Variants in ZNRF3 observed in about 807,000 individuals in gnomAD.
ZNRF3 encodes zinc and ring finger 3, also known as E3 ubiquitin-protein ligase ZNRF3.
Under a neutral mutation model 72.5 loss-of-function variants are expected in ZNRF3, and 23 were observed. That is an observed-to-expected ratio of 0.32 (90% CI 0.23 to 0.45). The LOEUF (loss-of-function observed/expected upper bound fraction) is 0.45, where lower values mean the gene tolerates loss of function less well. ZNRF3 is among the 20% of genes least tolerant of loss of function. The probability of loss-of-function intolerance (pLI) is 1.00; values close to 1 mark genes in which losing one functional copy is unlikely to be tolerated. For synonymous variants in ZNRF3, 610 were observed against 545.3 expected (o/e 1.12, Z -1.65); for missense variants, 1,169 against 1,272.1 (o/e 0.92, Z 1.23).
At chr22:28,937,188 TATATATATATATATATATATATA>T (rs1244210454) in intron 1 of ZNRF3, among the ~76,000 whole-genome samples, 8 of 3,536 alleles carry the variant, frequency 2.3e-3, no homozygotes, top group African/African-American at 3.7e-3. Flanking sequence ...TATATATATA[TATATATATATATATATATATATA>T]TATATTTTTT....
chr22:28,920,342 C>T (rs1169664764), intron 1 of ZNRF3, among the ~76,000 whole-genome samples: 2 of 152,150 alleles, frequency 1.3e-5, no homozygotes, highest in Admixed American at 1.3e-4. Context: ...GCAATCTTGG[C>T]TCACTGCAAC....
At chr22:29,004,398 A>T (rs1477469798) in intron 2 of ZNRF3, among the ~76,000 whole-genome samples, 3 of 152,198 alleles carry the variant, frequency 2.0e-5, no homozygotes, top group Non-Finnish European at 4.4e-5. Flanking sequence ...CTGTCAGATA[A>T]CAAGAGCCAC....
chr22:28,955,042 T>TTG (rs1555973674), intron 1 of ZNRF3, among the ~76,000 whole-genome samples: 46 of 149,152 alleles, frequency 3.1e-4, no homozygotes, highest in African/African-American at 1.1e-3. Flanking sequence ...GTTTTTTTTT[T>TTG]TTTGTTTTTT....
intron 1 of ZNRF3, among the ~76,000 whole-genome samples, chr22:28,937,215 A>AT (rs370829828): frequency 4.1e-3 from 36 of 8,854 alleles, no homozygotes; most frequent in Admixed American, 0.015. Context: ...ATATATATAT[A>AT]TTTTTTTTTT....
chr22:28,938,054 T>C (rs1380948905), intron 1 of ZNRF3, among the ~76,000 whole-genome samples: 35 of 152,204 alleles, frequency 2.3e-4, no homozygotes, highest in Non-Finnish European at 1.5e-5. Context: ...TTACTGCTTT[T>C]ATTGAAAATA....
Position 29,030,958 on chromosome 22 carries a change from G to C in ZNRF3, c.427-11537G>C, listed in dbSNP as rs1425283627. On this transcript the variant is annotated intron_variant, in intron 2 of 8. Transcript: ENST00000544604. This position sits in a 1 kb window ranked among gnomAD's most constrained non-coding sequence, Gnocchi z 4.2. ...CCAAGCCCTGGAGCGAGGAGCCGGCGGGTGGAGCTGGCAGCACTGCGCCAC... is the reference window on the plus strand; with the variant it reads ...CCAAGCCCTGGAGCGAGGAGCCGGCCGGTGGAGCTGGCAGCACTGCGCCAC... 6.6e-6 allele frequency: 1 copy of C among 152,374 alleles called. No homozygotes were observed. Among genetic ancestry groups the C allele is most frequent in the African/African-American group, 2.4e-5 (1 of 41,438 alleles). 9.4% of individuals were successfully genotyped at this position (152,374 alleles called of 1,614,324 possible). A position where few individuals can be genotyped will look rare whatever the true frequency, so the allele number is the denominator to read the frequency against.
At chr22:29,024,494 G>A (rs9613777) in intron 2 of ZNRF3, among the ~76,000 whole-genome samples, 66,152 of 151,588 alleles carry the variant, frequency 0.44, 15,027 homozygotes, top group Non-Finnish European at 0.5. Context: ...TTGATATAAA[G>A]TGGAGACACA....
intron 1 of ZNRF3, among the ~76,000 whole-genome samples, chr22:28,919,851 G>T (rs367716411): frequency 1.2e-3 from 182 of 152,214 alleles, no homozygotes; most frequent in African/African-American, 4.1e-3. Flanking sequence ...CGATGAGGGG[G>T]TGAAATTTAA....
intron 1 of ZNRF3, among the ~76,000 whole-genome samples, chr22:28,955,802 C>G (rs1175944074): frequency 6.6e-6 from 1 of 151,308 alleles, no homozygotes; most frequent in Non-Finnish European, 1.5e-5. Context: ...GCCTGTGGTT[C>G]CAGCTACTTG....
intron 1 of ZNRF3, among the ~76,000 whole-genome samples, chr22:28,967,353 T>C (rs954499504): frequency 6.6e-6 from 1 of 152,160 alleles, no homozygotes; most frequent in Admixed American, 6.5e-5. Context: ...TGTAGTACGC[T>C]ATTGCATCCA....
chr22:29,034,999 CTT>C (rs10607848), intron 2 of ZNRF3, among the ~76,000 whole-genome samples: 3,134 of 131,118 alleles, frequency 0.024, 104 homozygotes, highest in African/African-American at 0.077. Flanking sequence ...TTTGTTAGAC[CTT>C]TTTTTTTTTT....
intron 2 of ZNRF3, among the ~76,000 whole-genome samples, chr22:29,028,091 C>T (rs943115941): frequency 3.9e-5 from 6 of 152,106 alleles, no homozygotes; most frequent in Non-Finnish European, 7.4e-5. Flanking sequence ...TAAAAGGAGT[C>T]AATATCATAG....
At chr22:29,015,352 T>G (rs1052329115) in intron 2 of ZNRF3, among the ~76,000 whole-genome samples, 3 of 152,214 alleles carry the variant, frequency 2.0e-5, no homozygotes, top group Non-Finnish European at 2.9e-5. Flanking sequence ...AAATCCAGTT[T>G]TGTTTTTTGG....
intron 2 of ZNRF3, chr22:29,031,472 G>A (rs1260893503): frequency 2.0e-6 from 1 of 500,120 alleles, no homozygotes; most frequent in African/African-American, 2.1e-5. Context: ...CCCTTGGTGA[G>A]GCAGGCCTTG....
rs180799948 is a variant in ZNRF3, at chr22:29,055,859, A to C, written c.*2237A>C. 5.3e-5 allele frequency: 8 copies of C among 152,090 alleles called. No individual in the cohort carries two copies. The East Asian group carries it at 1.5e-3, about 29-fold the overall frequency. 9.4% of individuals were successfully genotyped at this position (152,090 alleles called of 1,614,324 possible). On this transcript the variant is annotated 3_prime_UTR_variant, in exon 9 of 9. Coordinates refer to ENST00000544604, the MANE Select transcript of ZNRF3 (RefSeq NM_001206998.2). Reference sequence around the variant, plus strand: ...AGTGCATATTTTCTTCCTCGTCTGAAACCGAACTCCCAAAGTGGCTTTCTT... The same window carrying C: ...AGTGCATATTTTCTTCCTCGTCTGACACCGAACTCCCAAAGTGGCTTTCTT...
intron 1 of ZNRF3, among the ~76,000 whole-genome samples, chr22:28,961,781 C>T (rs376262916): frequency 2.0e-5 from 3 of 152,164 alleles, no homozygotes; most frequent in Non-Finnish European, 4.4e-5. Context: ...AGCTTCTCAC[C>T]GTTGCTATTT....
intron 2 of ZNRF3, among the ~76,000 whole-genome samples, chr22:29,001,431 A>G (rs991729107): frequency 1.5e-4 from 22 of 145,858 alleles, no homozygotes; most frequent in Non-Finnish European, 3.2e-4. Flanking sequence ...ATATCTTTTC[A>G]CTTTCTTGAT....
At chr22:29,012,828 C>A (rs1247102525) in intron 2 of ZNRF3, among the ~76,000 whole-genome samples, 1 of 152,170 alleles carries the variant, frequency 6.6e-6, no homozygotes, top group African/African-American at 2.4e-5. Context: ...CAGATAGAAT[C>A]ATCTTTAATA....
At chr22:29,000,397 C>A (rs76476843) in intron 2 of ZNRF3, among the ~76,000 whole-genome samples, 2 of 152,020 alleles carry the variant, frequency 1.3e-5, no homozygotes, top group African/African-American at 4.8e-5. Flanking sequence ...TTTTTGTTAA[C>A]CTTGGCTTGA....
Sources: gnomAD v4.1 joint callset for allele counts (sites outside exome capture counted in the v4.1 genomes callset) on GRCh38, gnomAD v4.1.1 for gene constraint, Gnocchi (gnomAD v3.1) non-coding constraint, MANE v1.5 for transcripts, NCBI Gene and HGNC (gene_info 2026-07-23, HGNC 2026-07-21) for gene names.